The following SLC1A6 variants were observed in gnomAD, a reference collection of about 807,000 sequenced individuals.
SLC1A6 encodes solute carrier family 1 member 6, also known as excitatory amino acid transporter 4.
A neutral mutation model predicts 42.1 loss-of-function variants in SLC1A6; 15 were observed. The observed-to-expected ratio is 0.36, with a 90% confidence interval of 0.24 to 0.55. SLC1A6 has a LOEUF of 0.55. Ranked by LOEUF, SLC1A6 falls within the 20% of genes least tolerant of loss-of-function variation. The pLI, the probability that SLC1A6 is intolerant of heterozygous loss-of-function variation, is 0.88. For synonymous variants in SLC1A6, 317 were observed against 319.7 expected (o/e 0.99, Z 0.09); for missense variants, 542 against 772.5 (o/e 0.70, Z 3.54).
intron 9 of SLC1A6, 96 bp downstream of exon 9, chr19:14,952,831 CT>C (rs1317762504): frequency 3.5e-6 from 5 of 1,446,600 alleles, no homozygotes; most frequent in Non-Finnish European, 4.6e-6. Context: ...ACCACTGCAT[CT>C]TTGCTGGAAT....
intron 1 of SLC1A6, among the ~76,000 whole-genome samples, chr19:14,978,799 T>G (rs2045739251): frequency 6.6e-6 from 1 of 151,916 alleles, no homozygotes; most frequent in Non-Finnish European, 1.5e-5. Flanking sequence ...CACATTCATG[T>G]ACACCCTCAG....
intron 3 of SLC1A6, among the ~76,000 whole-genome samples, chr19:14,969,793 T>C (rs2045616674): frequency 6.6e-6 from 1 of 152,220 alleles, no homozygotes; most frequent in Admixed American, 6.5e-5. Context: ...CTTTTGTAAA[T>C]AAAGTTTTAT....
chr19:14,968,191 G>A (rs1031445016), intron 4 of SLC1A6, 112 bp downstream of exon 4: 6 of 861,820 alleles, frequency 7.0e-6, no homozygotes, highest in Admixed American at 2.4e-5. Context: ...GCTCTTGACC[G>A]GACGCATGCT....
intron 1 of SLC1A6, among the ~76,000 whole-genome samples, chr19:14,988,443 C>T (rs893488049): frequency 2.6e-5 from 4 of 152,116 alleles, no homozygotes; most frequent in African/African-American, 9.7e-5. Context: ...GTTCAGAAAA[C>T]AAATAACCCA....
intron 1 of SLC1A6, among the ~76,000 whole-genome samples, chr19:15,006,180 A>T (rs976532390): frequency 1.3e-5 from 2 of 152,340 alleles, no homozygotes; most frequent in Middle Eastern, 3.4e-3. Context: ...CACTTCATTC[A>T]TATTAACTCA....
chr19:14,989,123 G>T (rs531969685), intron 1 of SLC1A6, among the ~76,000 whole-genome samples: 1 of 152,260 alleles, frequency 6.6e-6, no homozygotes, highest in East Asian at 1.9e-4. Flanking sequence ...AAAGGTGGGA[G>T]GGTCGGGGGC....
intron 1 of SLC1A6, among the ~76,000 whole-genome samples, chr19:15,009,218 C>T (rs62114974): frequency 7.7e-6 from 1 of 130,670 alleles, no homozygotes; most frequent in African/African-American, 2.8e-5. Context: ...TATAGCATAT[C>T]TATCACATAG....
chr19:14,997,009 A>G (rs2145237355), intron 1 of SLC1A6, among the ~76,000 whole-genome samples: 1 of 152,252 alleles, frequency 6.6e-6, no homozygotes, highest in South Asian at 2.1e-4. Context: ...GGGAAAAGTC[A>G]AGCTGGGAAC....
chr19:14,971,927 G>C, intron 2 of SLC1A6, 53 bp from the exon 3 acceptor site: 4 of 1,598,618 alleles, frequency 2.5e-6, no homozygotes, highest in Non-Finnish European at 3.4e-6. Flanking sequence ...CTCAGCCCCA[G>C]GCAGGGTCCA....
chr19:15,004,701 GA>G (rs35859231), intron 1 of SLC1A6, among the ~76,000 whole-genome samples: 40 of 144,334 alleles, frequency 2.8e-4, no homozygotes, highest in East Asian at 6.1e-4. Context: ...TCTGTCTCCA[GA>G]AAAAAAAAAA....
chr19:14,956,908 C>A (rs906294393), intron 6 of SLC1A6, among the ~76,000 whole-genome samples, 199 bp from the exon 7 acceptor site: 3 of 152,172 alleles, frequency 2.0e-5, no homozygotes, highest in Non-Finnish European at 4.4e-5. Flanking sequence ...ACCTCCTCCT[C>A]CTCCTGCTCT....
intron 6 of SLC1A6, among the ~76,000 whole-genome samples, chr19:14,959,616 C>G (rs2045491585): frequency 1.3e-5 from 2 of 152,190 alleles, no homozygotes; most frequent in Admixed American, 6.6e-5. Flanking sequence ...AGTCTTCTCC[C>G]ATTTGGGATC....
chr19:14,957,921 T>C (rs1106738), intron 6 of SLC1A6, among the ~76,000 whole-genome samples: 83,028 of 151,950 alleles, frequency 0.55, 22,907 homozygotes, highest in South Asian at 0.68. Context: ...CTAGGAGTGC[T>C]GGAGGACCAG....
At chr19:14,969,139 C>T (rs771989519) in intron 3 of SLC1A6, among the ~76,000 whole-genome samples, 11 of 152,136 alleles carry the variant, frequency 7.2e-5, no homozygotes, top group Non-Finnish European at 1.2e-4. Flanking sequence ...TGCGCCTGGC[C>T]CATAACCTAA....
intron 1 of SLC1A6, among the ~76,000 whole-genome samples, chr19:14,998,565 A>C (rs2045857703): frequency 1.3e-5 from 2 of 152,096 alleles, no homozygotes; most frequent in Non-Finnish European, 1.5e-5. Context: ...ACAAAAAAAT[A>C]AACAACAACA....
At chr19:14,981,042 C>T (rs985025022), upstream of SLC1A6, among the ~76,000 whole-genome samples, 1 of 152,010 alleles carries the variant, frequency 6.6e-6, no homozygotes, top group African/African-American at 2.4e-5. Flanking sequence ...CATGTAATCC[C>T]AGCACATTGG....
At chr19:14,987,632 A>G (rs1227536306) in intron 1 of SLC1A6, among the ~76,000 whole-genome samples, 1 of 152,134 alleles carries the variant, frequency 6.6e-6, no homozygotes, top group Non-Finnish European at 1.5e-5. Flanking sequence ...GTGAGCAGGG[A>G]GGATGACTAC....
At chr19:14,971,922 C>T (rs2045645007) in intron 2 of SLC1A6, 48 bp from the exon 3 acceptor site, 2 of 1,603,220 alleles carry the variant, frequency 1.2e-6, no homozygotes, top group Non-Finnish European at 1.7e-6. Flanking sequence ...GGTCGCTCAG[C>T]CCCAGGCAGG....
intron 6 of SLC1A6, among the ~76,000 whole-genome samples, chr19:14,958,028 T>A (rs2045477651): frequency 6.6e-6 from 1 of 152,240 alleles, no homozygotes; most frequent in Non-Finnish European, 1.5e-5. Flanking sequence ...CCCCCCATAA[T>A]CCAGCCCACG....
Sources: gnomAD v4.1 joint callset for allele counts (sites outside exome capture counted in the v4.1 genomes callset) on GRCh38, gnomAD v4.1.1 for gene constraint, MANE v1.5 for transcripts, NCBI Gene and HGNC (gene_info 2026-07-23, HGNC 2026-07-21) for gene names.